GABRG3: variants seen among roughly 807,000 people sequenced by gnomAD.
The protein encoded by GABRG3 is gamma-aminobutyric acid receptor subunit gamma-3.
A neutral mutation model predicts 48.8 loss-of-function variants in GABRG3; 25 were observed. That is an observed-to-expected ratio of 0.51 (90% CI 0.37 to 0.72). The LOEUF is 0.72. Among genes scored for constraint, GABRG3 ranks in the 30% least tolerant of loss-of-function variants. GABRG3 has a pLI of 0.00. For synonymous variants in GABRG3, 227 were observed against 217.6 expected (o/e 1.04, Z -0.38); for missense variants, 394 against 577.9 (o/e 0.68, Z 3.26).
At chr15:27,136,604 G>A (rs1454663704) in intron 3 of GABRG3, among the ~76,000 whole-genome samples, 1 of 152,154 alleles carries the variant, frequency 6.6e-6, no homozygotes, top group Non-Finnish European at 1.5e-5. Flanking sequence ...CTCCCGTAAT[G>A]TGATCATAGG....
intron 3 of GABRG3, among the ~76,000 whole-genome samples, chr15:27,112,532 C>T (rs980173457): frequency 2.0e-5 from 3 of 150,976 alleles, no homozygotes; most frequent in Non-Finnish European, 4.4e-5. Flanking sequence ...CCTCTGCCTC[C>T]TGGGTTCAAG....
chr15:27,129,224 TC>T (rs540253964), intron 3 of GABRG3, among the ~76,000 whole-genome samples: 176 of 152,256 alleles, frequency 1.2e-3, no homozygotes, highest in Non-Finnish European at 2.1e-3. Context: ...GTCCTTGCAT[TC>T]CCTGGTCCCT....
chr15:27,464,789 AT>A (rs1171493330), intron 5 of GABRG3, among the ~76,000 whole-genome samples: 2 of 152,068 alleles, frequency 1.3e-5, no homozygotes, highest in African/African-American at 4.8e-5. Flanking sequence ...TTCTTTGCCC[AT>A]TTTTAAATGG....
intron 3 of GABRG3, among the ~76,000 whole-genome samples, chr15:27,324,049 A>G (rs1284056800): frequency 6.6e-6 from 1 of 152,212 alleles, no homozygotes; most frequent in African/African-American, 2.4e-5. Context: ...GCCTGCAAGC[A>G]GGGAAGCCGC....
At chr15:27,268,367 C>A (rs1396097340) in intron 3 of GABRG3, among the ~76,000 whole-genome samples, 1 of 152,158 alleles carries the variant, frequency 6.6e-6, no homozygotes, top group Non-Finnish European at 1.5e-5. Flanking sequence ...TAAGTAGAAT[C>A]TATGGTAATG....
chr15:27,303,193 A>G (rs1055514637), intron 3 of GABRG3, among the ~76,000 whole-genome samples: 1 of 151,752 alleles, frequency 6.6e-6, no homozygotes, highest in African/African-American at 2.4e-5. Context: ...AATTCTGTGA[A>G]AATATTTGTA....
intron 6 of GABRG3, among the ~76,000 whole-genome samples, chr15:27,485,057 G>T (rs565074625): frequency 1.3e-5 from 2 of 152,190 alleles, no homozygotes; most frequent in Non-Finnish European, 2.9e-5. Flanking sequence ...TTCTTCCAAA[G>T]AGCGCAGGAG....
chr15:27,252,572 T>G (rs959826765), intron 3 of GABRG3, among the ~76,000 whole-genome samples: 2 of 152,184 alleles, frequency 1.3e-5, no homozygotes, highest in Non-Finnish European at 2.9e-5. Context: ...TCTGAGGAAT[T>G]TCTACAGCTT....
intron 3 of GABRG3, among the ~76,000 whole-genome samples, chr15:27,090,542 A>G (rs1354124304): frequency 6.6e-6 from 1 of 152,138 alleles, no homozygotes; most frequent in East Asian, 1.9e-4. Flanking sequence ...CATCCTCTAC[A>G]ACACTTATTT....
intron 6 of GABRG3, among the ~76,000 whole-genome samples, chr15:27,495,050 G>T (rs898512533): frequency 6.6e-6 from 1 of 152,038 alleles, no homozygotes; most frequent in African/African-American, 2.4e-5. Context: ...TACTAGTATG[G>T]ACATTTTATC....
intron 3 of GABRG3, among the ~76,000 whole-genome samples, chr15:27,059,478 T>C (rs964257673): frequency 1.3e-5 from 2 of 152,250 alleles, no homozygotes; most frequent in African/African-American, 2.4e-5. Context: ...AAAGTTTCTA[T>C]TGATAGCTGT....
chr15:27,420,329 C>T (rs1336345383), intron 5 of GABRG3, among the ~76,000 whole-genome samples: 2 of 152,042 alleles, frequency 1.3e-5, no homozygotes, highest in African/African-American at 2.4e-5. Flanking sequence ...ATAATCCAGA[C>T]ACAGAAAGAC....
At chr15:27,145,610 T>TATCTATCTATCTATCTATCTATC (rs1555405993) in intron 3 of GABRG3, among the ~76,000 whole-genome samples, 5,212 of 135,038 alleles carry the variant, frequency 0.039, 163 homozygotes, top group Non-Finnish European at 0.052. Context: ...TATCTCTATC[T>TATCTATCTATCTATCTATCTATC]ATCTATCTAT....
rs1422922356 is a variant in GABRG3, at chr15:27,283,739, A to ATATG, written c.271-43069_271-43066dup. ...ACAGGCTTCCCCAGCACTCTGAGGC[A>ATATG]TATGAGGCATAAAGGAAATTCAGGA... is the stretch of plus-strand genomic sequence containing the variant. On this transcript the variant is annotated intron_variant, in intron 3 of 9. Coordinates refer to ENST00000615808, the MANE Select transcript of GABRG3 (RefSeq NM_033223.5). 2.0e-5 allele frequency among the ~76,000 whole-genome samples: 3 copies of ATATG among 152,168 alleles called. No individual in the cohort carries two copies. The East Asian group carries it at 5.8e-4, about 29-fold the overall frequency.
chr15:27,328,128 C>A (rs980473305), intron 4 of GABRG3, among the ~76,000 whole-genome samples: 10 of 122,748 alleles, frequency 8.1e-5, no homozygotes, highest in Admixed American at 2.3e-4. Context: ...AAAAAAAAAA[C>A]CAAAAAAAAA....
intron 5 of GABRG3, among the ~76,000 whole-genome samples, chr15:27,421,345 A>G (rs1888106883): frequency 6.6e-6 from 1 of 152,240 alleles, no homozygotes; most frequent in Admixed American, 6.5e-5. Context: ...TGTGGAAGAG[A>G]AAATTTGCCC....
intron 3 of GABRG3, among the ~76,000 whole-genome samples, chr15:27,279,926 C>T (rs904774172): frequency 1.3e-5 from 2 of 151,886 alleles, no homozygotes; most frequent in Admixed American, 6.6e-5. Flanking sequence ...TTTTAAAATT[C>T]GTGTTTTTTA....
chr15:27,091,483 A>G (rs920428352), intron 3 of GABRG3, among the ~76,000 whole-genome samples: 2 of 152,136 alleles, frequency 1.3e-5, no homozygotes, highest in African/African-American at 2.4e-5. Flanking sequence ...GACCTCATAG[A>G]AAGAGTTAGA....
At chr15:27,155,778 G>T (rs1290645546) in intron 3 of GABRG3, among the ~76,000 whole-genome samples, 1 of 152,086 alleles carries the variant, frequency 6.6e-6, no homozygotes, top group Non-Finnish European at 1.5e-5. Flanking sequence ...CTTCCACGTG[G>T]TCTCCAACTA....
Sources: allele counts gnomAD v4.1 joint callset (sites outside exome capture counted in the v4.1 genomes callset), GRCh38; gene constraint gnomAD v4.1.1; transcripts MANE v1.5; gene names NCBI Gene and HGNC (gene_info 2026-07-23, HGNC 2026-07-21).